Variants in FRMD4A observed in about 807,000 individuals in gnomAD.
FRMD4A encodes FERM domain-containing protein 4A.
A neutral mutation model predicts 129.1 loss-of-function variants in FRMD4A; 29 were observed. The ratio of observed to expected loss-of-function variants is 0.22; its 90% CI spans 0.17 to 0.31. The LOEUF is 0.31. Among genes scored for constraint, FRMD4A ranks in the 10% least tolerant of loss-of-function variants. The pLI is 1.00. For missense variants in FRMD4A, 1,272 were observed against 1,375.8 expected (o/e 0.92, Z 1.19); for synonymous variants, 634 against 571.6 (o/e 1.11, Z -1.56).
At position 13,743,681 on chromosome 10, in the gene FRMD4A, C is replaced by G. The variant is rs368081656; in HGVS notation, c.549-3104G>C. On this transcript the variant is annotated intron_variant, in intron 9 of 24. Transcript: ENST00000357447. ...GCCGCCCCCTGTTTGCCCTGTAACT[C>G]CTGCTCTCTGAGGCCATCTGTGAAG... Among the ~76,000 whole-genome samples, 5 of 152,164 alleles carry G rather than the reference C, an allele frequency of 3.3e-5. No homozygotes were observed. In the East Asian group the frequency reaches 5.8e-4, roughly 18 times the overall value.
chr10:13,971,325 G>C (rs2095516919), intron 2 of FRMD4A, among the ~76,000 whole-genome samples: 1 of 152,208 alleles, frequency 6.6e-6, no homozygotes, highest in African/African-American at 2.4e-5. Flanking sequence ...CTGTCTGGGT[G>C]ACTTTGAACA....
At chr10:13,923,917 A>G (rs1010154812) in intron 2 of FRMD4A, among the ~76,000 whole-genome samples, 9 of 152,212 alleles carry the variant, frequency 5.9e-5, no homozygotes, top group African/African-American at 2.2e-4. Context: ...GATAGACAAA[A>G]TAAACCTGCA....
rs762689834 is a variant in FRMD4A, at chr10:13,660,384, C to T, written c.1830G>A (p.Met610Ile). The T allele has an allele frequency of 4.5e-5, 73 of 1,614,188 alleles. No individual in the cohort carries two copies. The East Asian group carries it at 6.5e-4, about 14-fold the overall frequency. Residue 610 changes from methionine to isoleucine, a missense_variant, in exon 20 of 25, where the codon ATG (methionine) becomes ATA (isoleucine). Met to Ile is a conservative substitution (Grantham distance 10). Coordinates refer to ENST00000357447, the MANE Select transcript of FRMD4A (RefSeq NM_018027.5). ...GTTCATCTAAAGAGGACTCACTCCA[C>T]ATTTTGGGCTTGATGGGTGACTTGT... is the stretch of plus-strand genomic sequence containing the variant. ...DYDKSPIKPK[M>I]WSESSLDEPY...
chr10:14,306,151 A>T (rs1224548348), intron 2 of FRMD4A, among the ~76,000 whole-genome samples: 1 of 152,246 alleles, frequency 6.6e-6, no homozygotes, highest in Non-Finnish European at 1.5e-5. Context: ...CAAGTTAGAA[A>T]TTTAAAGTGG....
chr10:13,822,639 T>C (rs573178087), intron 3 of FRMD4A, among the ~76,000 whole-genome samples: 2 of 152,270 alleles, frequency 1.3e-5, no homozygotes, highest in African/African-American at 2.4e-5. Flanking sequence ...GAGACTGCGG[T>C]GCTGCACAGA....
chr10:14,087,252 T>C (rs1386045514), intron 2 of FRMD4A, among the ~76,000 whole-genome samples: 1 of 147,490 alleles, frequency 6.8e-6, no homozygotes. Flanking sequence ...ATAAAAATTA[T>C]ATTTATAAAA....
chr10:13,666,452 T>C (rs574034489), intron 17 of FRMD4A, 127 bp from the exon 18 acceptor site: 4 of 654,842 alleles, frequency 6.1e-6, no homozygotes, highest in Non-Finnish European at 8.0e-6. Context: ...GCCCCACTCC[T>C]AAAATCTGCA....
At chr10:14,038,386 C>T (rs2131670874) in intron 2 of FRMD4A, among the ~76,000 whole-genome samples, 1 of 152,274 alleles carries the variant, frequency 6.6e-6, no homozygotes, top group Admixed American at 6.5e-5. Flanking sequence ...TTATTAATGG[C>T]TCCCTTATGT....
chr10:14,288,662 T>C (rs1219710862), intron 2 of FRMD4A, among the ~76,000 whole-genome samples: 1 of 152,214 alleles, frequency 6.6e-6, no homozygotes, highest in Non-Finnish European at 1.5e-5. Context: ...GTGCACAATA[T>C]TTTTAATTGT....
At chr10:14,327,341 A>G (rs764682762) in intron 2 of FRMD4A, among the ~76,000 whole-genome samples, 1 of 152,246 alleles carries the variant, frequency 6.6e-6, no homozygotes, top group Non-Finnish European at 1.5e-5. Flanking sequence ...TTGGAAATAG[A>G]GACATAACGC....
intron 6 of FRMD4A, among the ~76,000 whole-genome samples, chr10:13,766,359 C>T (rs2092286805): frequency 6.6e-6 from 1 of 152,214 alleles, no homozygotes; most frequent in Admixed American, 6.5e-5. Flanking sequence ...CTGACCTTGA[C>T]TATCTATCTC....
At chr10:13,738,689 T>C (rs1256574995) in intron 11 of FRMD4A, among the ~76,000 whole-genome samples, 1 of 152,114 alleles carries the variant, frequency 6.6e-6, no homozygotes, top group Admixed American at 6.6e-5. Flanking sequence ...GGCACAATCC[T>C]GGCTCACTGC....
At chr10:13,714,762 G>A (rs1206562381) in intron 12 of FRMD4A, among the ~76,000 whole-genome samples, 2 of 151,976 alleles carry the variant, frequency 1.3e-5, no homozygotes, top group East Asian at 3.9e-4. Context: ...ACTGCAGGCT[G>A]GGCATGGTGG....
intron 2 of FRMD4A, among the ~76,000 whole-genome samples, chr10:13,906,266 A>T (rs572070454): frequency 2.6e-5 from 4 of 152,168 alleles, no homozygotes; most frequent in Non-Finnish European, 5.9e-5. Flanking sequence ...ATCTGTCTAT[A>T]TAGCAGGCTG....
In FRMD4A at chr10:14,195,430, T is replaced by TAA. The variant is rs11357658; in HGVS notation, c.45+134626_45+134627dup. Among the ~76,000 whole-genome samples, 1,093 of 146,364 alleles carry TAA rather than the reference T, an allele frequency of 7.5e-3. 10 individuals are homozygous for TAA. Among genetic ancestry groups the TAA allele is most frequent in the African/African-American group, 0.024 (939 of 39,916 alleles). On this transcript the variant is annotated intron_variant, in intron 2 of 24. Coordinates refer to ENST00000357447, the MANE Select transcript of FRMD4A (RefSeq NM_018027.5). ...TTGTCTCCCCTGTGTTTTCTTTCATTAAAAAAAAAAAAAATCAGTTGCCAT... is the reference window on the plus strand; with the variant it reads ...TTGTCTCCCCTGTGTTTTCTTTCATTAAAAAAAAAAAAAAAATCAGTTGCCAT...
intron 5 of FRMD4A, among the ~76,000 whole-genome samples, chr10:13,785,587 T>A (rs560963871): frequency 7.9e-5 from 12 of 152,302 alleles, no homozygotes; most frequent in East Asian, 1.9e-4. Flanking sequence ...TTTTCTTTTT[T>A]AAATTTTTTT....
intron 13 of FRMD4A, among the ~76,000 whole-genome samples, chr10:13,701,894 C>G (rs1463079860): frequency 6.6e-6 from 1 of 152,176 alleles, no homozygotes; most frequent in Non-Finnish European, 1.5e-5. Context: ...ATTTTCTAAT[C>G]ACCACAGGCT....
chr10:14,006,150 T>C (rs1370406928), intron 2 of FRMD4A, among the ~76,000 whole-genome samples: 1 of 152,132 alleles, frequency 6.6e-6, no homozygotes, highest in Non-Finnish European at 1.5e-5. Flanking sequence ...AGATGTCCAG[T>C]GGAATTGACA....
Position 14,191,119 on chromosome 10 carries a change from T to A in FRMD4A, c.45+138939A>T, listed in dbSNP as rs868728991. Among the ~76,000 whole-genome samples the A allele has an allele frequency of 3.9e-5, 6 of 152,286 alleles. No homozygotes were observed. In the South Asian group the frequency reaches 1.2e-3, roughly 32 times the overall value. ...TATGTTAACCTGCACACTCAAGAAT[T>A]TTTGTTAGTTACTGGTTGTACTCTT... On this transcript the variant is annotated intron_variant, in intron 2 of 24. Coordinates refer to ENST00000357447, the MANE Select transcript of FRMD4A (RefSeq NM_018027.5).
Sources: gnomAD v4.1 joint callset for allele counts (sites outside exome capture counted in the v4.1 genomes callset) on GRCh38, gnomAD v4.1.1 for gene constraint, MANE v1.5 for transcripts, NCBI Gene and HGNC (gene_info 2026-07-23, HGNC 2026-07-21) for gene names.